CAST: variants seen among roughly 807,000 people sequenced by gnomAD.
CAST encodes calpastatin.
CAST carries 76 observed loss-of-function variants against 119.6 expected under a neutral mutation model. The observed-to-expected ratio is 0.64, with a 90% confidence interval of 0.53 to 0.77. The LOEUF is 0.77. Ranked by LOEUF, CAST falls within the 30% of genes least tolerant of loss-of-function variation. The pLI is 0.00. For synonymous variants in CAST, 319 were observed against 331.6 expected (o/e 0.96, Z 0.41); for missense variants, 953 against 946.5 (o/e 1.01, Z -0.09).
chr5:96,549,331 G>A (rs1746081074), intron 1 of CAST, among the ~76,000 whole-genome samples: 1 of 152,166 alleles, frequency 6.6e-6, no homozygotes. Flanking sequence ...CAAAATTGGA[G>A]CCATCAAAAA....
chr5:96,605,785 A>T (rs1747242458), intron 1 of CAST, among the ~76,000 whole-genome samples: 3 of 152,232 alleles, frequency 2.0e-5, no homozygotes, highest in Admixed American at 2.0e-4. Flanking sequence ...TATTTATAAA[A>T]CATTAATAAA....
At chr5:96,376,453 T>A in the CAST span, among the ~76,000 whole-genome samples, 1 of 152,092 alleles carries the variant, frequency 6.6e-6, no homozygotes, top group Non-Finnish European at 1.5e-5. Flanking sequence ...TTTTTTTTAT[T>A]TTTTTGAGAC....
intron 1 of CAST, among the ~76,000 whole-genome samples, chr5:96,619,808 A>G (rs1747560749): frequency 6.6e-6 from 1 of 151,758 alleles, no homozygotes; most frequent in Admixed American, 6.6e-5. Flanking sequence ...GAAACCACCA[A>G]TTTCCGACAC....
chr5:96,631,584 C>CTT lies in CAST; in HGVS notation c.61-43942_61-43941dup, dbSNP rs564961286. ...TTGTGTAAAAGTTTTTCTGTGAATACTTTTTTTTTTTTTTGAGACGGAGTC... is the reference window on the plus strand; with the variant it reads ...TTGTGTAAAAGTTTTTCTGTGAATACTTTTTTTTTTTTTTTTGAGACGGAGTC... On this transcript the variant is annotated intron_variant, in intron 1 of 11. Transcript: ENST00000505143. Among the ~76,000 whole-genome samples, 39 of 126,038 alleles carry CTT rather than the reference C, an allele frequency of 3.1e-4. 2 individuals are homozygous for CTT. The highest frequency in any genetic ancestry group is 7.5e-4 in the African/African-American group (27 of 36,068). 82.7% of individuals were successfully genotyped at this position (126,038 alleles called of 152,430 possible). A position where few individuals can be genotyped will look rare whatever the true frequency, so the allele number is the denominator to read the frequency against.
rs1044664867 is a variant in CAST at position 96,757,941 on chromosome 5, G to A, written c.1833+287G>A. Among the ~76,000 whole-genome samples, 11 of 151,854 alleles carry A rather than the reference G, an allele frequency of 7.2e-5. No homozygotes were observed. The East Asian group carries it at 7.7e-4, about 11-fold the overall frequency. ...CCTAACCTCATGATCCGCCCACCTC[G>A]GCCTCTGAAAGTGCTTGGATTACAG... On this transcript the variant is annotated intron_variant, in intron 24 of 31. Coordinates refer to ENST00000675179, the MANE Select transcript of CAST (RefSeq NM_001750.7).
chr5:96,596,056 A>G (rs983951320), intron 1 of CAST, among the ~76,000 whole-genome samples: 5 of 152,180 alleles, frequency 3.3e-5, no homozygotes, highest in African/African-American at 1.2e-4. Context: ...TAGGAATAGT[A>G]TGGTAGGCTG....
chr5:96,127,105 A>G, the CAST span, among the ~76,000 whole-genome samples: 1 of 152,126 alleles, frequency 6.6e-6, no homozygotes, highest in Non-Finnish European at 1.5e-5. Flanking sequence ...ACTTAGCATT[A>G]TTATCAAAAG....
the CAST span, among the ~76,000 whole-genome samples, chr5:96,477,909 T>C: frequency 1.3e-5 from 2 of 152,170 alleles, no homozygotes; most frequent in Non-Finnish European, 2.9e-5. Context: ...TGGGAGGTGA[T>C]AACTAGGCCA....
intron 1 of CAST, among the ~76,000 whole-genome samples, chr5:96,559,575 G>A (rs528463875): frequency 2.8e-4 from 42 of 152,214 alleles, no homozygotes; most frequent in African/African-American, 8.7e-4. Flanking sequence ...CAAACAGAGA[G>A]CAAAATCATG....
chr5:96,687,062 G>A (rs1752164223), intron 2 of CAST, among the ~76,000 whole-genome samples: 1 of 152,172 alleles, frequency 6.6e-6, no homozygotes, highest in Non-Finnish European at 1.5e-5. Flanking sequence ...TTTTAGCTAG[G>A]AGCAGGGCCA....
chr5:96,662,639 C>T, intron 1 of CAST, 142 bp downstream of exon 1: 4 of 758,796 alleles, frequency 5.3e-6, no homozygotes, highest in Non-Finnish European at 6.6e-6. Flanking sequence ...GGGCTAGGGG[C>T]TTGGCCGCTG....
At chr5:96,726,514 T>C (rs1249487530) in intron 4 of CAST, among the ~76,000 whole-genome samples, 4 of 152,200 alleles carry the variant, frequency 2.6e-5, no homozygotes, top group Admixed American at 6.5e-5. Flanking sequence ...ATTCATGTAG[T>C]CTTTACACAG....
intron 1 of CAST, among the ~76,000 whole-genome samples, chr5:96,613,933 A>C (rs1463429776): frequency 6.6e-6 from 1 of 152,202 alleles, no homozygotes; most frequent in Non-Finnish European, 1.5e-5. Flanking sequence ...TGGGTGCCTT[A>C]TACTGTTTTT....
chr5:96,454,642 C>T, the CAST span, among the ~76,000 whole-genome samples: 1 of 152,192 alleles, frequency 6.6e-6, no homozygotes, highest in Non-Finnish European at 1.5e-5. Context: ...CACTGGAAGA[C>T]CCAGTTCCCT....
chr5:96,766,070 A>G lies in CAST; in HGVS notation c.2055A>G (p.Glu685=), dbSNP rs113411726. 39 of 1,604,456 alleles carry G rather than the reference A, an allele frequency of 2.4e-5. No individual in the cohort carries two copies. In the African/African-American group the frequency reaches 3.6e-4, roughly 15 times the overall value. The change falls in exon 27 of 32, where the codon GAA becomes GAG. Residue 685 remains glutamate (E), a synonymous_variant. Coordinates refer to ENST00000675179, the MANE Select transcript of CAST (RefSeq NM_001750.7). ...TGATATAGGAAAAAGCTAAAGCTGA[A>G]CATAGAGACAAGCTTGGAGAAAGAG... ...EDKVKEKAKA[E]HRDKLGERDD... is the part of the protein sequence containing the mutation.
At chr5:96,619,590 G>A (rs1409794368) in intron 1 of CAST, among the ~76,000 whole-genome samples, 1 of 152,050 alleles carries the variant, frequency 6.6e-6, no homozygotes, top group Non-Finnish European at 1.5e-5. Flanking sequence ...TCACTGTTTG[G>A]GTCTGCGCTT....
At chr5:96,514,304 T>C in the CAST span, among the ~76,000 whole-genome samples, 1 of 152,156 alleles carries the variant, frequency 6.6e-6, no homozygotes, top group African/African-American at 2.4e-5. Context: ...AGGTTATTCA[T>C]TTATGAGTGC....
the CAST span, among the ~76,000 whole-genome samples, chr5:96,489,178 T>A: frequency 6.6e-6 from 1 of 151,912 alleles, no homozygotes; most frequent in Non-Finnish European, 1.5e-5. Flanking sequence ...AAGAGGATAA[T>A]TACAAACTCT....
At chr5:96,744,339 C>T (rs187171254) in intron 16 of CAST, among the ~76,000 whole-genome samples, 68 of 152,214 alleles carry the variant, frequency 4.5e-4, no homozygotes, top group African/African-American at 1.3e-3. Context: ...CTCATAATTA[C>T]GGTGGAAAGT....
Sources: allele counts gnomAD v4.1 joint callset (sites outside exome capture counted in the v4.1 genomes callset), GRCh38; gene constraint gnomAD v4.1.1; transcripts MANE v1.5; gene names NCBI Gene and HGNC (gene_info 2026-07-23, HGNC 2026-07-21).